Variants in NCKAP5 observed in about 807,000 individuals in gnomAD.
NCKAP5 encodes the protein nck-associated protein 5.
In NCKAP5, 92 loss-of-function variants were observed where a neutral mutation model predicts 167.0. The ratio of observed to expected loss-of-function variants is 0.55; its 90% CI spans 0.47 to 0.66. NCKAP5 has a LOEUF of 0.66. Ranked by LOEUF, NCKAP5 falls within the 30% of genes least tolerant of loss-of-function variation. The pLI is 0.00. For synonymous variants in NCKAP5, 891 were observed against 877.4 expected (o/e 1.02, Z -0.27); for missense variants, 2,378 against 2,315.0 (o/e 1.03, Z -0.56).
intron 8 of NCKAP5, among the ~76,000 whole-genome samples, chr2:132,885,930 T>C (rs1251640141): frequency 6.6e-6 from 1 of 152,244 alleles, no homozygotes; most frequent in African/African-American, 2.4e-5. Flanking sequence ...TCACCTCTTA[T>C]ACTTTGTCTC....
intron 8 of NCKAP5, among the ~76,000 whole-genome samples, chr2:132,935,313 T>C (rs1037464929): frequency 1.3e-5 from 2 of 152,240 alleles, no homozygotes; most frequent in Non-Finnish European, 2.9e-5. Context: ...AGCCTGAGCC[T>C]TCACCAAATT....
the NCKAP5 span, among the ~76,000 whole-genome samples, chr2:133,589,092 A>G: frequency 1.3e-5 from 2 of 152,204 alleles, no homozygotes; most frequent in Non-Finnish European, 1.5e-5. Flanking sequence ...GATCCTGCCC[A>G]CAATTCTTAA....
intron 5 of NCKAP5, among the ~76,000 whole-genome samples, chr2:133,177,179 T>TAC (rs2084503764): frequency 7.3e-6 from 1 of 137,792 alleles, no homozygotes; most frequent in Non-Finnish European, 1.5e-5. Context: ...TATATATATA[T>TAC]ATATATATAC....
intron 15 of NCKAP5, among the ~76,000 whole-genome samples, chr2:132,774,107 T>C (rs1682338024): frequency 6.6e-6 from 1 of 152,224 alleles, no homozygotes; most frequent in South Asian, 2.1e-4. Context: ...TTATTACAAG[T>C]TTTAATTATA....
chr2:133,214,380 A>G (rs1405514337), intron 4 of NCKAP5, among the ~76,000 whole-genome samples: 1 of 152,206 alleles, frequency 6.6e-6, no homozygotes, highest in African/African-American at 2.4e-5. Context: ...GCTGGTATAT[A>G]GTAGTTTTTT....
chr2:133,555,426 A>G (rs956979105), intron 2 of NCKAP5, among the ~76,000 whole-genome samples: 1 of 152,238 alleles, frequency 6.6e-6, no homozygotes, highest in Non-Finnish European at 1.5e-5. Flanking sequence ...TATTGCATAT[A>G]CAAGGCTTAT....
chr2:133,187,736 CTTCT>C (rs1240831106), intron 5 of NCKAP5, among the ~76,000 whole-genome samples: 1 of 151,900 alleles, frequency 6.6e-6, no homozygotes, highest in Non-Finnish European at 1.5e-5. Flanking sequence ...GTGAGATGGC[CTTCT>C]TTGTCTCTTT....
At chr2:133,449,005 G>A (rs575524592) in intron 3 of NCKAP5, among the ~76,000 whole-genome samples, 1 of 152,286 alleles carries the variant, frequency 6.6e-6, no homozygotes, top group Non-Finnish European at 1.5e-5. Context: ...TAATGAGAGA[G>A]GATGTTCTTA....
chr2:133,369,514 G>A (rs1037566211), intron 3 of NCKAP5, among the ~76,000 whole-genome samples: 1 of 152,208 alleles, frequency 6.6e-6, no homozygotes, highest in Non-Finnish European at 1.5e-5. Flanking sequence ...AGCCATGTAG[G>A]TTTGAGCACT....
At chr2:132,949,040 AAAAGAAAAG>A (rs1409989119) in intron 8 of NCKAP5, among the ~76,000 whole-genome samples, 31 of 145,190 alleles carry the variant, frequency 2.1e-4, no homozygotes, top group Admixed American at 7.6e-4. Context: ...AAAAGAAAAG[AAAAGAAAAG>A]AAACATGGTG....
chr2:133,266,000 G>T (rs1244667316), intron 4 of NCKAP5, among the ~76,000 whole-genome samples: 1 of 152,108 alleles, frequency 6.6e-6, no homozygotes, highest in South Asian at 2.1e-4. Flanking sequence ...GCCCCTTTAC[G>T]CCCCCACCCT....
At chr2:133,114,108 T>C (rs1317354157) in intron 6 of NCKAP5, among the ~76,000 whole-genome samples, 1 of 152,240 alleles carries the variant, frequency 6.6e-6, no homozygotes, top group African/African-American at 2.4e-5. Flanking sequence ...TTCTAGGCCT[T>C]GTAAATATTA....
intron 16 of NCKAP5, among the ~76,000 whole-genome samples, chr2:132,759,543 C>G (rs939153873): frequency 2.6e-5 from 4 of 152,072 alleles, no homozygotes; most frequent in African/African-American, 7.2e-5. Context: ...AAAACAAAAG[C>G]AAATGCCAAA....
At chr2:132,741,285 C>A (rs144836299) in intron 16 of NCKAP5, among the ~76,000 whole-genome samples, 14 of 152,182 alleles carry the variant, frequency 9.2e-5, no homozygotes, top group Admixed American at 4.6e-4. Context: ...TATCGCTATA[C>A]TCTTGTCACT....
At chr2:133,652,889 C>T in the NCKAP5 span, among the ~76,000 whole-genome samples, 4 of 152,312 alleles carry the variant, frequency 2.6e-5, no homozygotes, top group East Asian at 1.9e-4. Context: ...TGTTCTATCC[C>T]GGTAGATCGA....
chr2:133,330,822 C>T (rs1001033416), intron 3 of NCKAP5, among the ~76,000 whole-genome samples: 5 of 152,122 alleles, frequency 3.3e-5, no homozygotes, highest in South Asian at 2.1e-4. Context: ...GCTTCAGCCC[C>T]GGGATTTAAG....
chr2:133,045,894 C>T (rs954381708), intron 6 of NCKAP5, among the ~76,000 whole-genome samples: 1 of 152,094 alleles, frequency 6.6e-6, no homozygotes, highest in African/African-American at 2.4e-5. Context: ...AGTGTTAGGC[C>T]ACTATCAACC....
chr2:133,303,004 G>A (rs779549252), intron 4 of NCKAP5, 33 bp downstream of exon 4: 1 of 1,496,992 alleles, frequency 6.7e-7, no homozygotes, highest in Non-Finnish European at 9.2e-7. Context: ...GATGCTACCT[G>A]AGCAAGCAAA....
chr2:132,687,558 G>A (rs1278545022), intron 19 of NCKAP5, among the ~76,000 whole-genome samples: 2 of 152,150 alleles, frequency 1.3e-5, no homozygotes, highest in African/African-American at 2.4e-5. Context: ...CAGTGGTAAA[G>A]AAGTTACTGG....
Sources: gnomAD v4.1 joint callset for allele counts (sites outside exome capture counted in the v4.1 genomes callset) on GRCh38, gnomAD v4.1.1 for gene constraint, MANE v1.5 for transcripts, NCBI Gene and HGNC (gene_info 2026-07-23, HGNC 2026-07-21) for gene names.